Variants in HORMAD2 observed in about 807,000 individuals in gnomAD.
HORMAD2 encodes HORMA domain-containing protein 2.
A neutral mutation model predicts 38.8 loss-of-function variants in HORMAD2; 45 were observed. The ratio of observed to expected loss-of-function variants is 1.16; its 90% CI spans 0.91 to 1.49. HORMAD2 has a LOEUF of 1.49. HORMAD2 is among the 40% of genes most tolerant of loss of function. The pLI, the probability that HORMAD2 is intolerant of heterozygous loss-of-function variation, is 0.00. For synonymous variants in HORMAD2, 126 were observed against 122.8 expected (o/e 1.03, Z -0.17); for missense variants, 338 against 367.0 (o/e 0.92, Z 0.65).
In HORMAD2 at chr22:30,135,389, G is replaced by A. The variant is rs376843662; in HGVS notation, c.819+13175G>A. ...CTAGGAGGCACCTTCCAGACCACTG[G>A]TTCAGGGAGAGAGAACCCAAGCAGA... On this transcript the variant is annotated intron_variant, in intron 10 of 10. Transcript: ENST00000336726. Among the ~76,000 whole-genome samples the A allele has an allele frequency of 4.7e-3, 718 of 151,888 alleles. 8 individuals are homozygous for A. The highest frequency in any genetic ancestry group is 0.016 in the African/African-American group (680 of 41,426).
downstream of HORMAD2, among the ~76,000 whole-genome samples, chr22:30,179,663 C>T (rs1450589246): frequency 1.3e-5 from 2 of 152,146 alleles, no homozygotes; most frequent in Admixed American, 6.5e-5. Flanking sequence ...CTCAGTCTTA[C>T]AGTAGGTGGT....
chr22:30,125,364 G>T (rs1445116238), intron 10 of HORMAD2, among the ~76,000 whole-genome samples: 2 of 151,072 alleles, frequency 1.3e-5, no homozygotes, highest in Non-Finnish European at 1.5e-5. Flanking sequence ...GAGTAGCTGG[G>T]ATTACAGGCA....
intron 10 of HORMAD2, among the ~76,000 whole-genome samples, chr22:30,140,684 A>G (rs970082095): frequency 3.3e-5 from 5 of 152,134 alleles, no homozygotes; most frequent in African/African-American, 4.8e-5. Flanking sequence ...TACTTGGTCA[A>G]GCTGGCTAAA....
chr22:30,112,481 T>C lies in HORMAD2; in HGVS notation c.316-15T>C. 7.3e-7 allele frequency: 1 copy of C among 1,361,526 alleles called. No individual in the cohort carries two copies. Among genetic ancestry groups the C allele is most frequent in the Non-Finnish European group, 1.0e-6 (1 of 1,002,374 alleles). 84.3% of individuals were successfully genotyped at this position (1,361,526 alleles called of 1,614,324 possible). On this transcript the variant is annotated splice_polypyrimidine_tract_variant and intron_variant, in intron 6 of 10. Transcript: ENST00000336726. ...AATTCCAGAAATTAAATGATGTTTA[T>C]TTTCCCTTATACAGCTTTACACAGA...
chr22:30,155,512 T>C (rs569706741), intron 10 of HORMAD2, among the ~76,000 whole-genome samples: 3 of 152,182 alleles, frequency 2.0e-5, no homozygotes, highest in Non-Finnish European at 4.4e-5. Context: ...TACAAGCTGT[T>C]CCAGACTCGT....
intron 2 of HORMAD2, among the ~76,000 whole-genome samples, chr22:30,097,589 T>TAGCC (rs2068805601): frequency 6.6e-6 from 1 of 152,102 alleles, no homozygotes; most frequent in South Asian, 2.1e-4. Flanking sequence ...AGTAGATGAA[T>TAGCC]AGCCACAATT....
the HORMAD2 span, among the ~76,000 whole-genome samples, chr22:30,204,573 A>G: frequency 2.6e-5 from 4 of 152,178 alleles, no homozygotes; most frequent in Admixed American, 2.6e-4. Flanking sequence ...TAGGCCTTTC[A>G]TGTGGTTGCT....
Position 30,111,152 on chromosome 22 carries a change from C to CAA in HORMAD2, c.295-628_295-627dup, listed in dbSNP as rs548430920. On this transcript the variant is annotated intron_variant, in intron 5 of 10. Transcript: ENST00000336726. Reference sequence around the variant, plus strand: ...GCCTGGTGACAGAGCAAGACTCTGTCAAAAAAAAAAAAAAAAAGAAAGAAA... The same window carrying CAA: ...GCCTGGTGACAGAGCAAGACTCTGTCAAAAAAAAAAAAAAAAAAAGAAAGAAA... 5.7e-3 allele frequency among the ~76,000 whole-genome samples: 469 copies of CAA among 82,882 alleles called. 4 individuals carry two copies. The highest frequency in any genetic ancestry group is 0.013 in the African/African-American group (236 of 18,012). 54.4% of individuals were successfully genotyped at this position (82,882 alleles called of 152,430 possible). A position where few individuals can be genotyped will look rare whatever the true frequency, so the allele number is the denominator to read the frequency against.
At chr22:30,161,679 G>T (rs1925448464) in intron 10 of HORMAD2, among the ~76,000 whole-genome samples, 2 of 151,940 alleles carry the variant, frequency 1.3e-5, no homozygotes, top group South Asian at 4.2e-4. Flanking sequence ...TAATATTTTA[G>T]AATATTTTAT....
intron 7 of HORMAD2, among the ~76,000 whole-genome samples, chr22:30,117,380 G>A (rs1922119529): frequency 6.6e-6 from 1 of 152,048 alleles, no homozygotes; most frequent in Non-Finnish European, 1.5e-5. Context: ...CATACTGTAT[G>A]ACATATCTGG....
At chr22:30,174,498 AC>A (rs1926311840) in intron 10 of HORMAD2, among the ~76,000 whole-genome samples, 1 of 152,214 alleles carries the variant, frequency 6.6e-6, no homozygotes, top group African/African-American at 2.4e-5. Flanking sequence ...CCCAGGCCTC[AC>A]TATTACCTTG....
intron 3 of HORMAD2, among the ~76,000 whole-genome samples, chr22:30,102,766 T>C (rs1475051606): frequency 6.6e-6 from 1 of 152,120 alleles, no homozygotes. Context: ...GTTGGGAGTA[T>C]AGGCATGTGC....
At chr22:30,081,022 G>T (rs2068461683) in intron 1 of HORMAD2, 1 of 152,434 alleles carries the variant, frequency 6.6e-6, no homozygotes, top group African/African-American at 2.4e-5. Context: ...CTTTAGTGAG[G>T]ATTTGCCAAT....
upstream of HORMAD2, among the ~76,000 whole-genome samples, chr22:30,078,799 G>A (rs891628733): frequency 6.6e-6 from 1 of 152,016 alleles, no homozygotes; most frequent in African/African-American, 2.4e-5. Flanking sequence ...AGAACAGCCA[G>A]CACAGAGGGC....
chr22:30,101,006 AT>A, intron 3 of HORMAD2, among the ~76,000 whole-genome samples: 1 of 152,324 alleles, frequency 6.6e-6, no homozygotes, highest in East Asian at 1.9e-4. Flanking sequence ...TAGTTCAACC[AT>A]TGTGGAAGAC....
chr22:30,140,654 G>A (rs988760204), intron 10 of HORMAD2, among the ~76,000 whole-genome samples: 15 of 151,982 alleles, frequency 9.9e-5, no homozygotes, highest in African/African-American at 3.6e-4. Context: ...TTCCAATTCT[G>A]GTAATTTTAG....
At chr22:30,090,907 A>C (rs1353773695) in intron 1 of HORMAD2, among the ~76,000 whole-genome samples, 1 of 152,164 alleles carries the variant, frequency 6.6e-6, no homozygotes, top group Non-Finnish European at 1.5e-5. Flanking sequence ...AACTGTGGTC[A>C]CTCTACAGTG....
At chr22:30,113,420 G>A (rs1373103715) in intron 7 of HORMAD2, among the ~76,000 whole-genome samples, 1 of 151,782 alleles carries the variant, frequency 6.6e-6, no homozygotes, top group Non-Finnish European at 1.5e-5. Flanking sequence ...TATATTTTTA[G>A]TAGAGATGGG....
chr22:30,141,356 AC>A (rs1035278884), intron 10 of HORMAD2, among the ~76,000 whole-genome samples: 6 of 152,010 alleles, frequency 3.9e-5, no homozygotes, highest in African/African-American at 1.5e-4. Context: ...ATTTCCACAT[AC>A]TTTTTTATTT....
Sources: allele counts gnomAD v4.1 joint callset (sites outside exome capture counted in the v4.1 genomes callset), GRCh38; gene constraint gnomAD v4.1.1; transcripts MANE v1.5; gene names NCBI Gene and HGNC (gene_info 2026-07-23, HGNC 2026-07-21).